The following ROBO2 variants were observed in gnomAD, a reference collection of about 807,000 sequenced individuals.
ROBO2 encodes roundabout guidance receptor 2.
Under a neutral mutation model 160.8 loss-of-function variants are expected in ROBO2, and 53 were observed. That is an observed-to-expected ratio of 0.33 (90% CI 0.26 to 0.41). The LOEUF (loss-of-function observed/expected upper bound fraction) is 0.41. Among genes scored for constraint, ROBO2 ranks in the 10% least tolerant of loss-of-function variants. ROBO2 has a pLI of 1.00. For synonymous variants in ROBO2, 664 were observed against 611.7 expected (o/e 1.09, Z -1.26); for missense variants, 1,577 against 1,722.4 (o/e 0.92, Z 1.49).
At chr3:76,065,913 T>C (rs912765598) in intron 2 of ROBO2, among the ~76,000 whole-genome samples, 3 of 151,920 alleles carry the variant, frequency 2.0e-5, no homozygotes, top group East Asian at 3.9e-4. Context: ...GCAGTGCAGA[T>C]GATAATCTTT....
At chr3:77,314,591 G>C (rs528321294) in intron 2 of ROBO2, among the ~76,000 whole-genome samples, 1 of 152,264 alleles carries the variant, frequency 6.6e-6, no homozygotes, top group South Asian at 2.1e-4. Context: ...AAGACTTACA[G>C]TTTCTGTGTT....
intron 6 of ROBO2, among the ~76,000 whole-genome samples, chr3:77,527,936 A>G (rs556309316): frequency 2.6e-4 from 39 of 151,760 alleles, no homozygotes; most frequent in African/African-American, 8.9e-4. Context: ...TGTTTTAAGT[A>G]GATGCTTACC....
chr3:76,005,717 T>G (rs1253012383), intron 2 of ROBO2, among the ~76,000 whole-genome samples: 2 of 152,138 alleles, frequency 1.3e-5, no homozygotes, highest in Non-Finnish European at 2.9e-5. Flanking sequence ...GATCAATACT[T>G]GAACAATATA....
chr3:76,990,457 G>GT (rs965631525), intron 2 of ROBO2, among the ~76,000 whole-genome samples: 1 of 152,066 alleles, frequency 6.6e-6, no homozygotes, highest in African/African-American at 2.4e-5. Context: ...AATGTTGACA[G>GT]TTTTTTAAAA....
At chr3:75,962,921 A>G (rs1443875763) in intron 2 of ROBO2, among the ~76,000 whole-genome samples, 1 of 151,798 alleles carries the variant, frequency 6.6e-6, no homozygotes, top group Admixed American at 6.6e-5. Flanking sequence ...TAGGTAGATT[A>G]TTTGAATGAC....
intron 2 of ROBO2, among the ~76,000 whole-genome samples, chr3:77,335,810 A>T (rs1225742360): frequency 1.3e-5 from 2 of 152,202 alleles, no homozygotes; most frequent in Admixed American, 1.3e-4. Context: ...GGCAACTTTG[A>T]TTTTAAAGAG....
At chr3:76,856,333 GA>G (rs1229710831) in intron 2 of ROBO2, among the ~76,000 whole-genome samples, 2 of 152,122 alleles carry the variant, frequency 1.3e-5, no homozygotes, top group Non-Finnish European at 1.5e-5. Context: ...TATACAACAT[GA>G]TGTTTTAAGA....
At chr3:76,062,444 C>A (rs1559879330) in intron 2 of ROBO2, among the ~76,000 whole-genome samples, 2 of 152,044 alleles carry the variant, frequency 1.3e-5, no homozygotes, top group African/African-American at 4.8e-5. Flanking sequence ...ACAACATTAG[C>A]AAAACATTGT....
intron 2 of ROBO2, among the ~76,000 whole-genome samples, chr3:76,880,477 A>G (rs568128213): frequency 6.6e-6 from 1 of 152,288 alleles, no homozygotes; most frequent in East Asian, 1.9e-4. Context: ...GAAATGGTGT[A>G]AGTGTTTCTA....
chr3:77,154,855 G>A (rs1430399298), intron 2 of ROBO2, among the ~76,000 whole-genome samples: 1 of 151,768 alleles, frequency 6.6e-6, no homozygotes, highest in Non-Finnish European at 1.5e-5. Context: ...ACTGAAACTG[G>A]GGACTTATAG....
chr3:76,888,351 G>T (rs2074073998), intron 2 of ROBO2, among the ~76,000 whole-genome samples: 1 of 152,154 alleles, frequency 6.6e-6, no homozygotes, highest in South Asian at 2.1e-4. Context: ...CTGGGTGACA[G>T]AACCAGTCTC....
chr3:76,848,794 G>C (rs1325087704), intron 2 of ROBO2, among the ~76,000 whole-genome samples: 2 of 152,032 alleles, frequency 1.3e-5, no homozygotes, highest in African/African-American at 4.8e-5. Flanking sequence ...CCCAAAGATC[G>C]TACCTCCCTA....
chr3:76,049,662 CTTAA>C (rs998965011), intron 2 of ROBO2, among the ~76,000 whole-genome samples: 13 of 151,968 alleles, frequency 8.6e-5, no homozygotes, highest in Non-Finnish European at 1.5e-4. Flanking sequence ...AGCACCTCCT[CTTAA>C]TTAATTCTTT....
chr3:77,644,775 T>A, exon 25 of ROBO2: 1 of 1,614,024 alleles, frequency 6.2e-7, no homozygotes, highest in Non-Finnish European at 8.5e-7. Context: ...AGGAACAGCT[T>A]CTTCTAAGGG....
chr3:76,884,642 G>T (rs1219626874), intron 2 of ROBO2, among the ~76,000 whole-genome samples: 13 of 152,082 alleles, frequency 8.5e-5, no homozygotes, highest in Non-Finnish European at 1.5e-5. Flanking sequence ...CAAGGAAACA[G>T]ATTTTTATTT....
intron 2 of ROBO2, among the ~76,000 whole-genome samples, chr3:77,179,290 G>A (rs555720209): frequency 6.6e-6 from 1 of 151,304 alleles, no homozygotes; most frequent in African/African-American, 2.4e-5. Context: ...AATTGCTATA[G>A]GCCAGTTTTC....
At chr3:77,035,779 G>A (rs572857950), upstream of ROBO2, among the ~76,000 whole-genome samples, 3 of 151,866 alleles carry the variant, frequency 2.0e-5, no homozygotes, top group South Asian at 4.2e-4. Flanking sequence ...ATCATGTAGG[G>A]GCAAATGAGC....
At chr3:76,331,102 T>C (rs946389052) in intron 2 of ROBO2, among the ~76,000 whole-genome samples, 22 of 152,230 alleles carry the variant, frequency 1.4e-4, no homozygotes, top group South Asian at 4.1e-4. Context: ...ATAGATTTTT[T>C]AATAAGTGTT....
At chr3:76,142,942 AC>A (rs1371086204) in intron 2 of ROBO2, among the ~76,000 whole-genome samples, 4 of 151,412 alleles carry the variant, frequency 2.6e-5, no homozygotes, top group African/African-American at 9.8e-5. Flanking sequence ...CTATGTACCC[AC>A]AAAAATAAAA....
Sources: allele counts gnomAD v4.1 joint callset (sites outside exome capture counted in the v4.1 genomes callset), GRCh38; gene constraint gnomAD v4.1.1; transcripts MANE v1.5; gene names NCBI Gene and HGNC (gene_info 2026-07-23, HGNC 2026-07-21).